The following ADAMTS17 variants were observed in gnomAD, a reference collection of about 807,000 sequenced individuals.
ADAMTS17 encodes A disintegrin and metalloproteinase with thrombospondin motifs 17.
Under a neutral mutation model 141.5 loss-of-function variants are expected in ADAMTS17, and 113 were observed. The observed-to-expected ratio is 0.80, with a 90% confidence interval of 0.69 to 0.93. ADAMTS17 has a LOEUF of 0.93. ADAMTS17 is among the 40% of genes least tolerant of loss of function. The probability of loss-of-function intolerance (pLI) is 0.00; values close to 1 mark genes in which losing one functional copy is unlikely to be tolerated. For missense variants in ADAMTS17, 1,659 were observed against 1,517.9 expected, an observed-to-expected ratio of 1.09 and a Z score of -1.54; for synonymous variants, 768 against 630.6, an observed-to-expected ratio of 1.22 and a Z score of -3.27.
At chr15:100,167,566 G>A (rs1596167129) in intron 8 of ADAMTS17, among the ~76,000 whole-genome samples, 1 of 152,142 alleles carries the variant, frequency 6.6e-6, no homozygotes, top group South Asian at 2.1e-4. Context: ...TGTGTGCTGT[G>A]GACAGTGACA....
Position 99,993,064 on chromosome 15 carries a change from G to A in ADAMTS17, c.2933C>T (p.Thr978Ile), listed in dbSNP as rs941625956. The A allele has an allele frequency of 6.2e-7, 1 of 1,614,154 alleles. No individual in the cohort carries two copies. The highest frequency in any genetic ancestry group is 8.5e-7 in the Non-Finnish European group (1 of 1,180,032). Residue 978 changes from threonine (T) to isoleucine (I), a missense_variant, in exon 20 of 22, where the codon ACT becomes ATT. Coordinates refer to ENST00000268070, the MANE Select transcript of ADAMTS17 (RefSeq NM_139057.4). The surrounding 1 kb of genome is among the most constrained non-coding windows in gnomAD (Gnocchi z 4.3). ...EDYSGCYEWKTGDWSTCSSTC... is the reference protein window; with the variant it reads ...EDYSGCYEWKIGDWSTCSSTC... ...TGCTCTCACCGTAGACCAGTCCCCAGTTTTCCACTCGTAGCAGCCTGAGTA... is the reference window on the plus strand; with the variant it reads ...TGCTCTCACCGTAGACCAGTCCCCAATTTTCCACTCGTAGCAGCCTGAGTA...
chr15:100,071,419 G>C (rs991754313), intron 15 of ADAMTS17, among the ~76,000 whole-genome samples: 3 of 149,864 alleles, frequency 2.0e-5, no homozygotes, highest in African/African-American at 7.4e-5. Context: ...TGATACCAAA[G>C]CCTGGCAGAG....
chr15:100,166,615 G>C (rs962964714), intron 8 of ADAMTS17, among the ~76,000 whole-genome samples: 1 of 152,192 alleles, frequency 6.6e-6, no homozygotes, highest in Admixed American at 6.5e-5. Flanking sequence ...AGTCCAAGGA[G>C]AAAGAGATCA....
chr15:100,341,139 C>G lies in ADAMTS17; in HGVS notation c.350G>C (p.Arg117Pro), dbSNP rs1042177918. 9.8e-6 allele frequency: 14 copies of G among 1,434,390 alleles called. No homozygotes were observed. Among genetic ancestry groups the G allele is most frequent in the Non-Finnish European group, 1.2e-5 (13 of 1,101,606 alleles). The allele number at this position is 1,434,390 out of a possible 1,614,324, so 88.9% of individuals were successfully genotyped here. The stretch of plus-strand genomic sequence containing the variant: ...GCACAGCTCGGCGGGGCGGCCGCGG[C>G]GCCGGGCCGCGCCCGCCTCCTCCAC... ...FEVEEAGAARRRGRPAELCFY... is the reference protein window; with the variant it reads ...FEVEEAGAARPRGRPAELCFY... Residue 117 changes from arginine to proline, a missense_variant, in exon 2 of 22, where the codon CGC (arginine) becomes CCC (proline). Coordinates refer to ENST00000268070, the MANE Select transcript of ADAMTS17 (RefSeq NM_139057.4).
chr15:100,115,050 G>A (rs1427787269), intron 13 of ADAMTS17, among the ~76,000 whole-genome samples: 1 of 152,220 alleles, frequency 6.6e-6, no homozygotes, highest in Non-Finnish European at 1.5e-5. Context: ...TCCCAGACCT[G>A]ACCTCTTCTT....
intron 3 of ADAMTS17, among the ~76,000 whole-genome samples, chr15:100,327,266 T>C (rs574064338): frequency 1.1e-4 from 17 of 152,358 alleles, no homozygotes; most frequent in African/African-American, 2.9e-4. Flanking sequence ...TACAGAGTTA[T>C]AGTATCCACC....
chr15:100,115,607 G>C (rs767172452), intron 13 of ADAMTS17, among the ~76,000 whole-genome samples: 1 of 152,162 alleles, frequency 6.6e-6, no homozygotes, highest in Non-Finnish European at 1.5e-5. Context: ...GCAGATCTGA[G>C]GCTGCTATTC....
chr15:100,272,891 C>A (rs1488077653), intron 4 of ADAMTS17, among the ~76,000 whole-genome samples: 1 of 151,962 alleles, frequency 6.6e-6, no homozygotes, highest in African/African-American at 2.4e-5. Context: ...CTATTGAGTG[C>A]TTTTATCATG....
intron 7 of ADAMTS17, among the ~76,000 whole-genome samples, chr15:100,248,464 G>A (rs1167910900): frequency 2.0e-5 from 3 of 152,130 alleles, no homozygotes; most frequent in Non-Finnish European, 2.9e-5. Flanking sequence ...GGGCAGGCAC[G>A]ACCTCACCTC....
At chr15:100,252,298 C>A (rs2043179350) in intron 7 of ADAMTS17, among the ~76,000 whole-genome samples, 1 of 152,172 alleles carries the variant, frequency 6.6e-6, no homozygotes, top group Non-Finnish European at 1.5e-5. Context: ...TTCATTCATT[C>A]ATTCATTCAG....
chr15:100,157,051 T>A (rs1163911579), intron 8 of ADAMTS17, among the ~76,000 whole-genome samples: 2 of 152,170 alleles, frequency 1.3e-5, no homozygotes, highest in Non-Finnish European at 2.9e-5. Flanking sequence ...AAAGACCTAC[T>A]TCAAATGGTG....
chr15:100,014,166 G>A (rs1596231187), intron 18 of ADAMTS17, among the ~76,000 whole-genome samples: 1 of 152,030 alleles, frequency 6.6e-6, no homozygotes, highest in Admixed American at 6.6e-5. Flanking sequence ...TCTAGTTTAT[G>A]TACATAAAGA....
chr15:100,189,519 C>T lies in ADAMTS17; in HGVS notation c.1181+9799G>A, dbSNP rs953792508. ...CTCCCCAGATGCAGAGCCACCAACACAGCCAACCACAGACTCACTAGGTGT... is the reference window on the plus strand; with the variant it reads ...CTCCCCAGATGCAGAGCCACCAACATAGCCAACCACAGACTCACTAGGTGT... On this transcript the variant is annotated intron_variant, in intron 8 of 21. Coordinates refer to ENST00000268070, the MANE Select transcript of ADAMTS17 (RefSeq NM_139057.4). 1.5e-4 allele frequency among the ~76,000 whole-genome samples: 23 copies of T among 152,328 alleles called. 1 individual carries two copies. The highest frequency in any genetic ancestry group is 6.2e-4 in the South Asian group (3 of 4,826).
chr15:100,136,308 G>A (rs547614569), intron 10 of ADAMTS17, among the ~76,000 whole-genome samples: 10 of 152,254 alleles, frequency 6.6e-5, no homozygotes, highest in East Asian at 5.8e-4. Flanking sequence ...TACCTTTGTC[G>A]TCAGCTTAAG....
At chr15:100,117,447 T>A (rs1045859641) in intron 12 of ADAMTS17, among the ~76,000 whole-genome samples, 29 of 152,124 alleles carry the variant, frequency 1.9e-4, no homozygotes, top group African/African-American at 7.0e-4. Flanking sequence ...AGTTTCAGGA[T>A]GAGTAAATAC....
intron 4 of ADAMTS17, among the ~76,000 whole-genome samples, chr15:100,272,707 C>G (rs2043957645): frequency 6.7e-6 from 1 of 150,354 alleles, no homozygotes; most frequent in Non-Finnish European, 1.5e-5. Context: ...CCTAACTGCT[C>G]TAGCTAGAAC....
chr15:100,073,307 T>A (rs1455317044), intron 15 of ADAMTS17, among the ~76,000 whole-genome samples: 1 of 152,216 alleles, frequency 6.6e-6, no homozygotes, highest in African/African-American at 2.4e-5. Flanking sequence ...ACTTTTACAC[T>A]GCTGGTAGGA....
chr15:100,133,376 G>C (rs1384882128), intron 10 of ADAMTS17, 61 bp from the exon 11 acceptor site: 5 of 1,503,264 alleles, frequency 3.3e-6, no homozygotes, highest in Non-Finnish European at 4.5e-6. Flanking sequence ...GGTCACAGCT[G>C]GGGTCAGAGG....
chr15:100,066,596 G>C (rs2141689960), intron 15 of ADAMTS17, among the ~76,000 whole-genome samples: 1 of 152,112 alleles, frequency 6.6e-6, no homozygotes, highest in East Asian at 1.9e-4. Context: ...ACATTCTCTT[G>C]GCTTTGAGAA....
Sources: gnomAD v4.1 joint callset for allele counts (sites outside exome capture counted in the v4.1 genomes callset) on GRCh38, gnomAD v4.1.1 for gene constraint, Gnocchi (gnomAD v3.1) non-coding constraint, MANE v1.5 for transcripts, NCBI Gene and HGNC (gene_info 2026-07-23, HGNC 2026-07-21) for gene names.